The following INSR variants were observed in gnomAD, a reference collection of about 807,000 sequenced individuals.
The protein encoded by INSR is insulin receptor, also known as IR.
INSR carries 67 observed loss-of-function variants against 142.6 expected under a neutral mutation model. The observed-to-expected ratio is 0.47, with a 90% CI of 0.39 to 0.58. The LOEUF (loss-of-function observed/expected upper bound fraction) is 0.58, where lower values mean the gene tolerates loss of function less well. INSR is among the 20% of genes least tolerant of loss of function. The pLI, the probability that INSR is intolerant of heterozygous loss-of-function variation, is 0.00. For synonymous variants in INSR, 756 were observed against 743.1 expected (o/e 1.02, Z -0.28); for missense variants, 1,248 against 1,833.2 (o/e 0.68, Z 5.83).
At position 7,125,658 on chromosome 19, in the gene INSR, C is replaced by T. The variant is rs1243741335; in HGVS notation, c.3014-131G>A. 1.2e-5 allele frequency: 15 copies of T among 1,236,734 alleles called. No individual in the cohort carries two copies. In the East Asian group the frequency reaches 3.4e-4, roughly 28 times the overall value. 76.6% of individuals were successfully genotyped at this position (1,236,734 alleles called of 1,614,324 possible). ...TGAGTTCTGTGATCCAGGACCCATG[C>T]CGGGCACTGGGCATATGGCCGAGAA... is the stretch of plus-strand genomic sequence containing the variant. On this transcript the variant is annotated intron_variant, in intron 16 of 21. Transcript: ENST00000302850. This position sits in a 1 kb window ranked among gnomAD's most constrained non-coding sequence, Gnocchi z 4.9.
At chr19:7,234,470 T>C (rs7508459) in intron 2 of INSR, among the ~76,000 whole-genome samples, 116,119 of 152,124 alleles carry the variant, frequency 0.76, 44,688 homozygotes, top group East Asian at 0.94. Context: ...TGCTTCCCAA[T>C]GTGCTGGGAT....
intron 2 of INSR, among the ~76,000 whole-genome samples, chr19:7,194,508 CTTTT>C (rs35025189): frequency 8.2e-5 from 6 of 73,574 alleles, no homozygotes; most frequent in African/African-American, 1.7e-4. Flanking sequence ...AATAGCTTTG[CTTTT>C]TTTTTTTTTT....
intron 4 of INSR, among the ~76,000 whole-genome samples, chr19:7,172,905 G>C (rs1974052431): frequency 6.6e-6 from 1 of 150,528 alleles, no homozygotes; most frequent in East Asian, 1.9e-4. Context: ...AGCAACCCCT[G>C]TTAGTCTCCA....
At position 7,248,754 on chromosome 19, in the gene INSR, A is replaced by ATTT. The variant is rs552940485; in HGVS notation, c.652+18588_652+18590dup. On this transcript the variant is annotated intron_variant, in intron 2 of 21. Coordinates refer to ENST00000302850, the MANE Select transcript of INSR (RefSeq NM_000208.4). ...CCTGGACTATTCCCGGTTGGCCAGA[A>ATTT]TTTTTTTTTTTTTTTTTTTTTGAGA... Among the ~76,000 whole-genome samples the ATTT allele has an allele frequency of 3.0e-4, 29 of 97,272 alleles. 9 individuals are homozygous for ATTT. The highest frequency in any genetic ancestry group is 3.8e-4 in the Admixed American group (3 of 7,864). The allele number at this position is 97,272 out of a possible 152,430, so 63.8% of individuals were successfully genotyped here. A position where few individuals can be genotyped will look rare whatever the true frequency, so the allele number is the denominator to read the frequency against.
chr19:7,237,785 C>G (rs571119123), intron 2 of INSR, among the ~76,000 whole-genome samples: 1 of 151,998 alleles, frequency 6.6e-6, no homozygotes, highest in East Asian at 1.9e-4. Flanking sequence ...CACTGGACTC[C>G]AGCCTGGGTG....
chr19:7,187,703 G>A (rs1405337363), intron 2 of INSR, among the ~76,000 whole-genome samples: 1 of 151,930 alleles, frequency 6.6e-6, no homozygotes, highest in African/African-American at 2.4e-5. Flanking sequence ...CTCTTGGGTA[G>A]CTGGAATAAT....
rs374120246 is a variant in INSR at position 7,117,190 on chromosome 19, C to T, written c.4015G>A (p.Glu1339Lys). 6 of 1,614,112 alleles carry T rather than the reference C, an allele frequency of 3.7e-6. No individual in the cohort carries two copies. Among genetic ancestry groups the T allele is most frequent in the Non-Finnish European group, 5.1e-6 (6 of 1,180,062 alleles). Residue 1339 changes from glutamate to lysine, a missense_variant, in exon 22 of 22, where the codon GAG becomes AAG. Transcript: ENST00000302850. ...GACCCTCCATCCCGGCCCCCCGCCT[C>T]CTCCCTCTGACAGTGCGAGGAACGG... ...LDRSSHCQRE[E>K]AGGRDGGSSL...
intron 2 of INSR, among the ~76,000 whole-genome samples, chr19:7,185,015 G>A (rs1974391618): frequency 6.6e-6 from 1 of 152,136 alleles, no homozygotes; most frequent in Non-Finnish European, 1.5e-5. Flanking sequence ...AAGATACACA[G>A]TAGCATTCCT....
intron 2 of INSR, among the ~76,000 whole-genome samples, chr19:7,200,737 G>A (rs1395993949): frequency 6.6e-6 from 1 of 151,650 alleles, no homozygotes; most frequent in Non-Finnish European, 1.5e-5. Context: ...ACACATGATT[G>A]TAGTTCCAGC....
chr19:7,253,709 C>T (rs541185452), intron 2 of INSR, among the ~76,000 whole-genome samples: 2 of 152,232 alleles, frequency 1.3e-5, no homozygotes, highest in Admixed American at 1.3e-4. Context: ...GTTTGCTTCC[C>T]ACTCTTGACA....
intron 9 of INSR, among the ~76,000 whole-genome samples, chr19:7,153,617 C>A (rs1371784774): frequency 6.6e-6 from 1 of 152,140 alleles, no homozygotes; most frequent in Non-Finnish European, 1.5e-5. Context: ...ACTTGGGAGG[C>A]TCAGGTGAGA....
At chr19:7,154,945 C>T (rs180777802) in intron 9 of INSR, among the ~76,000 whole-genome samples, 2 of 151,882 alleles carry the variant, frequency 1.3e-5, no homozygotes, top group African/African-American at 4.8e-5. Context: ...AACAACTGCC[C>T]GACACCATAA....
chr19:7,237,363 A>T (rs1009907484), intron 2 of INSR, among the ~76,000 whole-genome samples: 1 of 150,752 alleles, frequency 6.6e-6, no homozygotes, highest in Non-Finnish European at 1.5e-5. Flanking sequence ...CTAAAACTAT[A>T]AAAATTAGCC....
At chr19:7,151,444 T>G (rs1599910331) in intron 10 of INSR, among the ~76,000 whole-genome samples, 1 of 6,466 alleles carries the variant, frequency 1.5e-4, no homozygotes, top group South Asian at 5.3e-3. Context: ...GTCTGGCTAT[T>G]TTTTTTTTTT....
intron 2 of INSR, among the ~76,000 whole-genome samples, chr19:7,186,297 G>T (rs889513919): frequency 6.6e-6 from 1 of 152,006 alleles, no homozygotes; most frequent in Non-Finnish European, 1.5e-5. Context: ...GATCCCACCG[G>T]CCAAACTCAG....
At position 7,243,683 on chromosome 19, in the gene INSR, A is replaced by G. The variant is rs1000235634; in HGVS notation, c.652+23662T>C. On this transcript the variant is annotated intron_variant, in intron 2 of 21. Coordinates refer to ENST00000302850, the MANE Select transcript of INSR (RefSeq NM_000208.4). ...CAATAAATAATCCAAACTGATGAAG[A>G]CATTGCAAAATAAAACCAACCAAAA... 2.6e-5 allele frequency among the ~76,000 whole-genome samples: 4 copies of G among 152,334 alleles called. No homozygotes were observed. The East Asian group carries it at 7.7e-4, about 29-fold the overall frequency.
At chr19:7,241,184 T>G (rs1348538457) in intron 2 of INSR, among the ~76,000 whole-genome samples, 13 of 151,384 alleles carry the variant, frequency 8.6e-5, no homozygotes, top group African/African-American at 2.2e-4. Context: ...TTTGTTTTTT[T>G]TTTTTTTTTT....
At chr19:7,278,961 T>G (rs1271874807) in intron 1 of INSR, among the ~76,000 whole-genome samples, 1 of 152,032 alleles carries the variant, frequency 6.6e-6, no homozygotes, top group African/African-American at 2.4e-5. Flanking sequence ...AAACCTCATC[T>G]CTACTAAAAA....
At chr19:7,280,729 C>A (rs1386454231) in intron 1 of INSR, among the ~76,000 whole-genome samples, 2 of 142,700 alleles carry the variant, frequency 1.4e-5, no homozygotes, top group Admixed American at 6.9e-5. Flanking sequence ...AAAAAAAAAA[C>A]AAAAAACCCA....
Sources: allele counts gnomAD v4.1 joint callset (sites outside exome capture counted in the v4.1 genomes callset), GRCh38; gene constraint gnomAD v4.1.1; non-coding constraint Gnocchi (gnomAD v3.1); transcripts MANE v1.5; gene names NCBI Gene and HGNC (gene_info 2026-07-23, HGNC 2026-07-21).